PKHD1: variants seen among roughly 807,000 people sequenced by gnomAD.
PKHD1 encodes the protein fibrocystin.
A neutral mutation model predicts 412.0 loss-of-function variants in PKHD1; 291 were observed. The ratio of observed to expected loss-of-function variants is 0.71; its 90% CI spans 0.64 to 0.78. PKHD1 has a LOEUF of 0.78. Ranked by LOEUF, PKHD1 falls within the 30% of genes least tolerant of loss-of-function variation. The probability of loss-of-function intolerance (pLI) is 0.00; values close to 1 mark genes in which losing one functional copy is unlikely to be tolerated. For missense variants in PKHD1, 4,825 were observed against 4,950.7 expected (o/e 0.97, Z 0.76); for synonymous variants, 1,777 against 1,821.5 (o/e 0.98, Z 0.62).
Position 52,008,163 on chromosome 6 carries a change from G to C in PKHD1, c.5751+2146C>G, listed in dbSNP as rs1799329115. On this transcript the variant is annotated intron_variant, in intron 35 of 66. Coordinates refer to ENST00000371117, the MANE Select transcript of PKHD1 (RefSeq NM_138694.4). ...ACTAGACACATTCCTAGTTCCTAAAGATTAAATGGCTTACTTCCCCCACAA... is the reference window on the plus strand; with the variant it reads ...ACTAGACACATTCCTAGTTCCTAAACATTAAATGGCTTACTTCCCCCACAA... 1.3e-5 allele frequency among the ~76,000 whole-genome samples: 2 copies of C among 152,138 alleles called. 1 individual carries two copies. The highest frequency in any genetic ancestry group is 1.3e-4 in the Admixed American group (2 of 15,278).
chr6:51,779,445 A>G (rs528823214), intron 53 of PKHD1, among the ~76,000 whole-genome samples: 14 of 152,152 alleles, frequency 9.2e-5, no homozygotes, highest in Non-Finnish European at 1.9e-4. Flanking sequence ...ATGTTTTGCT[A>G]CAATACTTCT....
rs560322133 is a variant in PKHD1, at chr6:51,899,673, T to C, written c.6996+3924A>G. 4.9e-3 allele frequency among the ~76,000 whole-genome samples: 743 copies of C among 151,676 alleles called. 5 individuals are homozygous for C. Among genetic ancestry groups the C allele is most frequent in the Middle Eastern group, 0.024 (7 of 294 alleles). On this transcript the variant is annotated intron_variant, in intron 43 of 66. Transcript: ENST00000371117. The stretch of plus-strand genomic sequence containing the variant: ...TGTTGGAAGTTCTGGCCAGGGCAAT[T>C]AGGCAGGAGAAGGAAATAAAGGGTA...
intron 3 of PKHD1, among the ~76,000 whole-genome samples, chr6:52,082,951 G>A (rs1812257018): frequency 6.6e-6 from 1 of 152,150 alleles, no homozygotes; most frequent in African/African-American, 2.4e-5. Context: ...CCATCCCACA[G>A]CCTGGAATGG....
chr6:51,985,407 G>A (rs1796078785), intron 35 of PKHD1, among the ~76,000 whole-genome samples: 3 of 152,080 alleles, frequency 2.0e-5, no homozygotes, highest in East Asian at 1.9e-4. Flanking sequence ...ATACAACAAC[G>A]AAAAATTTAA....
At chr6:51,743,145 T>G (rs1687809843) in intron 60 of PKHD1, among the ~76,000 whole-genome samples, 1 of 151,838 alleles carries the variant, frequency 6.6e-6, no homozygotes, top group Admixed American at 6.6e-5. Flanking sequence ...AAGCTGAAAA[T>G]ATCCCTCTGG....
At chr6:52,021,993 T>G (rs1214705025) in intron 33 of PKHD1, among the ~76,000 whole-genome samples, 1 of 152,184 alleles carries the variant, frequency 6.6e-6, no homozygotes, top group African/African-American at 2.4e-5. Context: ...AGGTACAAGA[T>G]TTATGATTAG....
At position 51,632,723 on chromosome 6, in the gene PKHD1, C is replaced by T; in HGVS notation, c.11507G>A (p.Gly3836Glu). ...HFIFTVTSPP[G>E]VNFTARSKPF... ...CTTGGATCGAGCTGTAAAATTGACT[C>T]CTGTGGCGGGGAAAAGAAGATGTTT... The change falls in exon 65 of 67, where the codon GGA becomes GAA. Residue 3836 changes from glycine (G) to glutamate (E), a missense_variant and splice_region_variant. Gly to Glu is a moderately conservative substitution (Grantham distance 98). Transcript: ENST00000371117. 6.2e-7 allele frequency: 1 copy of T among 1,612,116 alleles called. No homozygotes were observed. Among genetic ancestry groups the T allele is most frequent in the Non-Finnish European group, 8.5e-7 (1 of 1,178,676 alleles).
At chr6:51,655,419 C>T (rs2150394208) in intron 61 of PKHD1, among the ~76,000 whole-genome samples, 2 of 152,146 alleles carry the variant, frequency 1.3e-5, no homozygotes, top group South Asian at 4.2e-4. Context: ...TGATAGGGTG[C>T]TCCTTATGCA....
At chr6:51,966,227 A>G (rs1477183920) in intron 35 of PKHD1, among the ~76,000 whole-genome samples, 1 of 152,198 alleles carries the variant, frequency 6.6e-6, no homozygotes, top group East Asian at 1.9e-4. Context: ...TATACATTTT[A>G]GGGAGACATG....
intron 34 of PKHD1, among the ~76,000 whole-genome samples, chr6:52,014,773 GGATA>G (rs1388927407): frequency 2.2e-5 from 3 of 138,920 alleles, no homozygotes; most frequent in African/African-American, 5.3e-5. Context: ...TGAATATACT[GGATA>G]GATGGATGGA....
At position 52,046,046 on chromosome 6, in the gene PKHD1, C is replaced by G. The variant is rs140920157; in HGVS notation, c.2550G>C (p.Leu850Phe). ...AATCCCCAATCTGAGTGGACCAGGA[C>G]AAGGTCCACACGTGTTCGTAGCAAG... ...LYTCYEHVWT[L>F]SWSTQIGDLP... The change falls in exon 24 of 67, where the codon TTG becomes TTC. Residue 850 changes from leucine to phenylalanine, a missense_variant. Transcript: ENST00000371117. The G allele has an allele frequency of 6.2e-6, 10 of 1,613,706 alleles. No homozygotes were observed. The highest frequency in any genetic ancestry group is 6.8e-6 in the Non-Finnish European group (8 of 1,179,748).
chr6:52,063,187 T>C (rs937810126), intron 13 of PKHD1, among the ~76,000 whole-genome samples: 3 of 152,240 alleles, frequency 2.0e-5, no homozygotes, highest in African/African-American at 7.2e-5. Context: ...GCTGCTATTA[T>C]GTGACATTTT....
chr6:51,728,685 G>A (rs1172482169), intron 60 of PKHD1, among the ~76,000 whole-genome samples: 5 of 152,154 alleles, frequency 3.3e-5, no homozygotes, highest in Non-Finnish European at 7.4e-5. Context: ...TCAGAGATCT[G>A]AAGCAGAGAA....
At chr6:52,041,293 C>T (rs1804839125) in intron 27 of PKHD1, among the ~76,000 whole-genome samples, 1 of 152,210 alleles carries the variant, frequency 6.6e-6, no homozygotes, top group Admixed American at 6.5e-5. Context: ...TCAAACTGTA[C>T]TCTTCATAGA....
intron 52 of PKHD1, among the ~76,000 whole-genome samples, chr6:51,821,884 A>G (rs9474089): frequency 0.42 from 64,338 of 151,946 alleles, 14,406 homozygotes; most frequent in Middle Eastern, 0.61. Context: ...ACAGGGTTTC[A>G]CCATGTTGGC....
At chr6:51,733,865 T>A (rs950097407) in intron 60 of PKHD1, among the ~76,000 whole-genome samples, 2 of 152,130 alleles carry the variant, frequency 1.3e-5, no homozygotes, top group African/African-American at 2.4e-5. Flanking sequence ...TTATTCAAAA[T>A]ATAATATAGG....
At chr6:51,881,075 C>CTTTTTTT (rs371470393) in intron 46 of PKHD1, among the ~76,000 whole-genome samples, 3 of 134,064 alleles carry the variant, frequency 2.2e-5, no homozygotes, top group Non-Finnish European at 3.2e-5. Flanking sequence ...CTTTTTCTTT[C>CTTTTTTT]TTTTTTTTTT....
intron 53 of PKHD1, among the ~76,000 whole-genome samples, chr6:51,776,407 A>C (rs1241137201): frequency 6.6e-6 from 1 of 152,042 alleles, no homozygotes; most frequent in Non-Finnish European, 1.5e-5. Flanking sequence ...CCTGAATAGA[A>C]TGCACAAGCT....
intron 37 of PKHD1, among the ~76,000 whole-genome samples, chr6:51,928,421 A>T (rs1293038088): frequency 1.3e-5 from 2 of 152,198 alleles, no homozygotes; most frequent in Non-Finnish European, 2.9e-5. Flanking sequence ...AAACATCCCT[A>T]AAATTGTGTC....
Sources: gnomAD v4.1 joint callset for allele counts (sites outside exome capture counted in the v4.1 genomes callset) on GRCh38, gnomAD v4.1.1 for gene constraint, MANE v1.5 for transcripts, NCBI Gene and HGNC (gene_info 2026-07-23, HGNC 2026-07-21) for gene names.